Variants in PCDH15 observed in about 807,000 individuals in gnomAD.
PCDH15 encodes protocadherin related 15.
A neutral mutation model predicts 178.5 loss-of-function variants in PCDH15; 129 were observed. That is an observed-to-expected ratio of 0.72 (90% CI 0.63 to 0.84). PCDH15 has a LOEUF of 0.84. Among genes scored for constraint, PCDH15 ranks in the 40% least tolerant of loss-of-function variants. The pLI is 0.00. For synonymous variants in PCDH15, 800 were observed against 732.0 expected (o/e 1.09, Z -1.50); for missense variants, 2,230 against 2,099.9 (o/e 1.06, Z -1.21).
intron 2 of PCDH15, among the ~76,000 whole-genome samples, chr10:55,066,091 C>T (rs1841557608): frequency 6.6e-6 from 1 of 151,578 alleles, no homozygotes; most frequent in Non-Finnish European, 1.5e-5. Context: ...TATTTATATG[C>T]TATTTACTTA....
chr10:55,201,413 C>A (rs1002061552), intron 1 of PCDH15, among the ~76,000 whole-genome samples: 1 of 152,070 alleles, frequency 6.6e-6, no homozygotes, highest in Non-Finnish European at 1.5e-5. Flanking sequence ...GGGGAAAAAA[C>A]CCAAAATGTA....
At chr10:55,026,420 A>G (rs1840477244) in intron 2 of PCDH15, among the ~76,000 whole-genome samples, 1 of 151,974 alleles carries the variant, frequency 6.6e-6, no homozygotes, top group Admixed American at 6.6e-5. Flanking sequence ...GAATACTAAA[A>G]TTCACTAAGA....
intron 26 of PCDH15, among the ~76,000 whole-genome samples, chr10:53,898,155 AC>A (rs1176457702): frequency 3.4e-5 from 2 of 59,152 alleles, no homozygotes; most frequent in South Asian, 7.6e-4. Flanking sequence ...TTTAGTAGAG[AC>A]GGGGGTTTCA....
chr10:54,724,837 A>T (rs1942225697), intron 1 of PCDH15, among the ~76,000 whole-genome samples: 1 of 151,088 alleles, frequency 6.6e-6, no homozygotes, highest in Non-Finnish European at 1.5e-5. Flanking sequence ...TATTTGTTAC[A>T]TTATTATATT....
chr10:55,330,836 T>TTGTGTG (rs1321610555), intron 2 of PCDH15, among the ~76,000 whole-genome samples: 3 of 83,032 alleles, frequency 3.6e-5, no homozygotes, highest in African/African-American at 1.5e-4. Context: ...ATAGATTTAT[T>TTGTGTG]TATGTGTGTG....
intron 3 of PCDH15, among the ~76,000 whole-genome samples, chr10:54,871,060 T>C (rs1308858917): frequency 1.3e-5 from 2 of 152,174 alleles, no homozygotes. Context: ...AGTGCTGCAT[T>C]AGAATTCTGT....
At chr10:54,639,275 A>AT (rs1248154485) in intron 2 of PCDH15, among the ~76,000 whole-genome samples, 4 of 152,160 alleles carry the variant, frequency 2.6e-5, no homozygotes, top group African/African-American at 9.6e-5. Context: ...TTGTAATAAT[A>AT]TTTTAAGAGA....
rs183295649 is a variant in PCDH15, at chr10:54,680,929, G to T, written c.-28-16639C>A. ...TTGGAGTAGGGAGAAGATTGCTAGG[G>T]TATTAAAGGAAAGCCCTCTGAAAAT... On this transcript the variant is annotated intron_variant, in intron 1 of 37. Transcript: ENST00000644397. Among the ~76,000 whole-genome samples the T allele has an allele frequency of 1.6e-4, 24 of 152,194 alleles. No homozygotes were observed. In the East Asian group the frequency reaches 3.9e-3, roughly 25 times the overall value.
chr10:53,923,724 T>A (rs182388469), intron 25 of PCDH15, among the ~76,000 whole-genome samples: 3 of 152,350 alleles, frequency 2.0e-5, no homozygotes, highest in Admixed American at 2.0e-4. Flanking sequence ...TCATAATTTT[T>A]CTGGAGTATC....
intron 8 of PCDH15, among the ~76,000 whole-genome samples, chr10:54,258,598 C>T (rs1348328255): frequency 6.6e-6 from 1 of 152,096 alleles, no homozygotes; most frequent in Non-Finnish European, 1.5e-5. Flanking sequence ...TAAAACAAAC[C>T]TTGTGTAACA....
chr10:53,989,304 C>T (rs377011988), intron 21 of PCDH15, among the ~76,000 whole-genome samples: 109 of 152,162 alleles, frequency 7.2e-4, no homozygotes, highest in African/African-American at 1.6e-3. Flanking sequence ...ACAAATTTTA[C>T]GCACATTTCC....
intron 2 of PCDH15, among the ~76,000 whole-genome samples, chr10:55,352,885 C>T (rs988110101): frequency 2.6e-5 from 4 of 152,092 alleles, no homozygotes; most frequent in Admixed American, 6.6e-5. Flanking sequence ...TGATCCACTA[C>T]GGCTTTCTTA....
At chr10:54,607,883 T>C (rs749089876) in intron 2 of PCDH15, 1 of 528,206 alleles carries the variant, frequency 1.9e-6, no homozygotes, top group Admixed American at 2.0e-5. Context: ...GCTATTAGGT[T>C]GGTCCAAAAG....
chr10:54,905,873 A>G (rs928673480), intron 2 of PCDH15, among the ~76,000 whole-genome samples: 8 of 152,130 alleles, frequency 5.3e-5, no homozygotes, highest in African/African-American at 1.4e-4. Context: ...GCCACTTTTA[A>G]TGCAGCAGAT....
chr10:54,291,421 G>C (rs1300668766), intron 8 of PCDH15, among the ~76,000 whole-genome samples: 1 of 152,044 alleles, frequency 6.6e-6, no homozygotes, highest in Non-Finnish European at 1.5e-5. Flanking sequence ...AACTAGAGAA[G>C]CAAGAGCAAA....
intron 2 of PCDH15, among the ~76,000 whole-genome samples, chr10:55,579,524 T>G (rs1426818374): frequency 6.6e-6 from 1 of 152,202 alleles, no homozygotes; most frequent in Non-Finnish European, 1.5e-5. Flanking sequence ...GACTTTCTGT[T>G]CCTCAAGATT....
chr10:53,940,365 T>G (rs1467028553), intron 24 of PCDH15, among the ~76,000 whole-genome samples: 1 of 152,164 alleles, frequency 6.6e-6, no homozygotes, highest in Non-Finnish European at 1.5e-5. Context: ...TTTGACTATT[T>G]TGGGAATCAT....
intron 23 of PCDH15, among the ~76,000 whole-genome samples, chr10:53,944,967 CT>C (rs889822920): frequency 6.6e-6 from 1 of 152,200 alleles, no homozygotes; most frequent in Non-Finnish European, 1.5e-5. Context: ...ATGCTTCTAA[CT>C]TTCTTGGCCG....
chr10:55,366,238 T>A (rs1028458574), intron 2 of PCDH15: 1 of 152,128 alleles, frequency 6.6e-6, no homozygotes, highest in Non-Finnish European at 1.5e-5. Context: ...AAGATTTTGT[T>A]TAGTTGGTTG....
Sources: gnomAD v4.1 joint callset for allele counts (sites outside exome capture counted in the v4.1 genomes callset) on GRCh38, gnomAD v4.1.1 for gene constraint, MANE v1.5 for transcripts, NCBI Gene and HGNC (gene_info 2026-07-23, HGNC 2026-07-21) for gene names.